Variants in IGF1R observed in about 807,000 individuals in gnomAD.
IGF1R encodes the protein insulin-like growth factor 1 receptor.
Under a neutral mutation model 144.6 loss-of-function variants are expected in IGF1R, and 44 were observed. That is an observed-to-expected ratio of 0.30 (90% CI 0.24 to 0.39). The LOEUF is 0.39. Among genes scored for constraint, IGF1R ranks in the 10% least tolerant of loss-of-function variants. The pLI, the probability that IGF1R is intolerant of heterozygous loss-of-function variation, is 1.00. For missense variants in IGF1R, 1,355 were observed against 1,833.7 expected (o/e 0.74, Z 4.77); for synonymous variants, 795 against 722.8 (o/e 1.10, Z -1.60).
rs1567180955 is a variant in IGF1R, at chr15:98,891,708, C to T, written c.953+71C>T. On this transcript the variant is annotated intron_variant, in intron 3 of 20. Coordinates refer to ENST00000650285, the MANE Select transcript of IGF1R (RefSeq NM_000875.5). This position sits in a 1 kb window ranked among gnomAD's most constrained non-coding sequence, Gnocchi z 4.7. ...CGCCACCCTAGCACACAAAGGTAGACTCTGTCGGTTGTTTCATCCGGGTGC... is the reference window on the plus strand; with the variant it reads ...CGCCACCCTAGCACACAAAGGTAGATTCTGTCGGTTGTTTCATCCGGGTGC... 6.8e-7 allele frequency: 1 copy of T among 1,474,670 alleles called. No individual in the cohort carries two copies. Among genetic ancestry groups the T allele is most frequent in the East Asian group, 2.3e-5 (1 of 43,024 alleles). 91.3% of individuals were successfully genotyped at this position (1,474,670 alleles called of 1,614,324 possible).
intron 2 of IGF1R, among the ~76,000 whole-genome samples, chr15:98,871,842 G>C (rs928146891): frequency 2.6e-5 from 4 of 152,212 alleles, no homozygotes; most frequent in African/African-American, 9.6e-5. Context: ...TTTGGGTGGG[G>C]ACACAGAGCC....
At chr15:98,712,296 A>G (rs2054010853) in intron 2 of IGF1R, among the ~76,000 whole-genome samples, 2 of 152,140 alleles carry the variant, frequency 1.3e-5, no homozygotes, top group African/African-American at 4.8e-5. Flanking sequence ...TGTCATTCAT[A>G]TCAGACCACC....
rs75191793 is a variant in IGF1R at position 98,836,257 on chromosome 15, G to C, written c.641-55068G>C. On this transcript the variant is annotated intron_variant, in intron 2 of 20. Transcript: ENST00000650285. ...ACAAAAAAGTTGAAAAAGCATCCAG[G>C]CATGGTGGCTTATACCTATAATCCC... is the stretch of plus-strand genomic sequence containing the variant. Among the ~76,000 whole-genome samples the C allele has an allele frequency of 1.9e-3, 295 of 151,954 alleles. 1 individual carries two copies. The highest frequency in any genetic ancestry group is 6.5e-3 in the African/African-American group (269 of 41,418).
At chr15:98,798,465 GAC>G (rs2056295379) in intron 2 of IGF1R, among the ~76,000 whole-genome samples, 1 of 152,158 alleles carries the variant, frequency 6.6e-6, no homozygotes, top group Non-Finnish European at 1.5e-5. Flanking sequence ...ACGTTAACAG[GAC>G]CATGCTGGCA....
chr15:98,854,897 T>C (rs1187992923), intron 2 of IGF1R, among the ~76,000 whole-genome samples: 1 of 152,012 alleles, frequency 6.6e-6, no homozygotes. Flanking sequence ...GGTCTGACTT[T>C]AGCCTGCCTT....
intron 2 of IGF1R, among the ~76,000 whole-genome samples, chr15:98,724,089 T>C (rs1036408500): frequency 6.6e-6 from 1 of 152,234 alleles, no homozygotes; most frequent in Non-Finnish European, 1.5e-5. Flanking sequence ...TCTAGGACTT[T>C]ATTTTGTTAT....
intron 2 of IGF1R, among the ~76,000 whole-genome samples, chr15:98,839,275 G>A (rs1001613856): frequency 6.6e-6 from 1 of 152,240 alleles, no homozygotes; most frequent in African/African-American, 2.4e-5. Context: ...CCAAGGAAGT[G>A]CAGCTAGTAA....
At chr15:98,852,248 G>A (rs1418918919) in intron 2 of IGF1R, among the ~76,000 whole-genome samples, 3 of 152,250 alleles carry the variant, frequency 2.0e-5, no homozygotes, top group South Asian at 4.1e-4. Flanking sequence ...GCTGTGGTGT[G>A]CGCCCTTCCT....
intron 2 of IGF1R, among the ~76,000 whole-genome samples, chr15:98,722,607 A>G (rs1291442353): frequency 1.3e-5 from 2 of 152,178 alleles, no homozygotes; most frequent in African/African-American, 2.4e-5. Flanking sequence ...TGTACAGCTT[A>G]GTTCCATGGG....
At position 98,753,602 on chromosome 15, in the gene IGF1R, G is replaced by A. The variant is rs114678279; in HGVS notation, c.640+45495G>A. On this transcript the variant is annotated intron_variant, in intron 2 of 20. Coordinates refer to ENST00000650285, the MANE Select transcript of IGF1R (RefSeq NM_000875.5). ...ATGTGGGTTTTTTTTCCTCCTGAGA[G>A]TATATTTATAAAGTTAATTGGATTT... is the stretch of plus-strand genomic sequence containing the variant. Among the ~76,000 whole-genome samples, 713 of 151,836 alleles carry A rather than the reference G, an allele frequency of 4.7e-3. 4 individuals carry two copies. The highest frequency in any genetic ancestry group is 0.017 in the African/African-American group (686 of 41,438).
At chr15:98,774,998 G>A (rs1016640483) in intron 2 of IGF1R, among the ~76,000 whole-genome samples, 1 of 152,190 alleles carries the variant, frequency 6.6e-6, no homozygotes, top group African/African-American at 2.4e-5. Flanking sequence ...CTCCAGCTGG[G>A]CAGTCCCAGG....
At chr15:98,878,210 C>T (rs1487688433) in intron 2 of IGF1R, among the ~76,000 whole-genome samples, 1 of 152,222 alleles carries the variant, frequency 6.6e-6, no homozygotes, top group East Asian at 1.9e-4. Context: ...AGCTTGGCCT[C>T]CACTTGGTCA....
At chr15:98,922,658 G>A (rs571443791) in intron 11 of IGF1R, among the ~76,000 whole-genome samples, 6 of 152,324 alleles carry the variant, frequency 3.9e-5, no homozygotes, top group Admixed American at 1.3e-4. Context: ...TCCATAGAAC[G>A]TGCTGGGAGC....
chr15:98,829,516 T>A (rs1482848950), intron 2 of IGF1R, among the ~76,000 whole-genome samples: 1 of 152,230 alleles, frequency 6.6e-6, no homozygotes, highest in Non-Finnish European at 1.5e-5. Flanking sequence ...GGTGAACCAC[T>A]TCAGAGTGCG....
intron 20 of IGF1R, among the ~76,000 whole-genome samples, chr15:98,955,768 C>T (rs1430154686): frequency 6.6e-6 from 1 of 152,236 alleles, no homozygotes; most frequent in Admixed American, 6.5e-5. Context: ...TCCCTGAAGG[C>T]CAGACACGGG....
chr15:98,873,250 C>A (rs1260853521), intron 2 of IGF1R, among the ~76,000 whole-genome samples: 2 of 152,090 alleles, frequency 1.3e-5, no homozygotes, highest in Non-Finnish European at 2.9e-5. Flanking sequence ...CCACTTTTTC[C>A]TATTCTTTCT....
intron 5 of IGF1R, 81 bp from the exon 6 acceptor site, chr15:98,908,604 G>T: frequency 1.0e-6 from 1 of 964,338 alleles, no homozygotes; most frequent in African/African-American, 1.6e-5. Flanking sequence ...GTGGCAAAGA[G>T]GACCTGTGTT....
chr15:98,754,995 T>C (rs45594434), intron 2 of IGF1R, among the ~76,000 whole-genome samples: 5,653 of 152,314 alleles, frequency 0.037, 130 homozygotes, highest in East Asian at 0.052. Context: ...GAAACAGATA[T>C]ATATGTGTAT....
chr15:98,950,919 G>A lies in IGF1R; in HGVS notation c.3722+2211G>A, dbSNP rs189286896. 4.3e-4 allele frequency among the ~76,000 whole-genome samples: 65 copies of A among 152,348 alleles called. No homozygotes were observed. In the East Asian group the frequency reaches 7.5e-3, roughly 18 times the overall value. On this transcript the variant is annotated intron_variant, in intron 20 of 20. Coordinates refer to ENST00000650285, the MANE Select transcript of IGF1R (RefSeq NM_000875.5). Reference sequence around the variant, plus strand: ...ATTTTTGTTTCAAAGCACTTTGAGTGTTGCTACAAATACTGAATCCCTAAG... The same window carrying A: ...ATTTTTGTTTCAAAGCACTTTGAGTATTGCTACAAATACTGAATCCCTAAG...
Sources: gnomAD v4.1 joint callset for allele counts (sites outside exome capture counted in the v4.1 genomes callset) on GRCh38, gnomAD v4.1.1 for gene constraint, Gnocchi (gnomAD v3.1) non-coding constraint, MANE v1.5 for transcripts, NCBI Gene and HGNC (gene_info 2026-07-23, HGNC 2026-07-21) for gene names.